Variants in TYW1B observed in about 807,000 individuals in gnomAD.
TYW1B encodes S-adenosyl-L-methionine-dependent tRNA 4-demethylwyosine synthase TYW1B.
A neutral mutation model predicts 86.9 loss-of-function variants in TYW1B; 73 were observed. The observed-to-expected ratio is 0.84, with a 90% CI of 0.70 to 1.02. The LOEUF is 1.02. Ranked by LOEUF, TYW1B falls within the 50% of genes least tolerant of loss-of-function variation. TYW1B has a pLI of 0.00. For missense variants in TYW1B, 637 were observed against 827.4 expected (o/e 0.77, Z 2.82); for synonymous variants, 248 against 292.8 (o/e 0.85, Z 1.56).
At chr7:72,798,476 G>A (rs1350181775) in intron 6 of TYW1B, among the ~76,000 whole-genome samples, 4 of 151,982 alleles carry the variant, frequency 2.6e-5, no homozygotes, top group African/African-American at 9.7e-5. Flanking sequence ...ATCCACCATA[G>A]TATTATTCAG....
At chr7:72,772,912 T>G (rs1787892196) in intron 7 of TYW1B, among the ~76,000 whole-genome samples, 1 of 152,216 alleles carries the variant, frequency 6.6e-6, no homozygotes, top group Non-Finnish European at 1.5e-5. Flanking sequence ...GGCTTTGTCT[T>G]GTAACCTCTT....
At chr7:72,789,930 T>C (rs1166420043) in intron 6 of TYW1B, among the ~76,000 whole-genome samples, 3 of 146,912 alleles carry the variant, frequency 2.0e-5, no homozygotes, top group African/African-American at 2.5e-5. Context: ...TCTCAAGTGA[T>C]AGGATTATCT....
At chr7:72,741,282 T>C (rs1359771938) in intron 8 of TYW1B, among the ~76,000 whole-genome samples, 20 of 151,724 alleles carry the variant, frequency 1.3e-4, no homozygotes, top group Admixed American at 2.6e-4. Flanking sequence ...GAGATACAAA[T>C]GATAAGAAGG....
At chr7:72,805,025 G>A (rs1311880574) in intron 5 of TYW1B, among the ~76,000 whole-genome samples, 2 of 151,844 alleles carry the variant, frequency 1.3e-5, no homozygotes, top group African/African-American at 4.8e-5. Context: ...TTGGTTCTGC[G>A]ACCTTGGGAA....
chr7:72,733,821 C>A (rs1265124397), intron 8 of TYW1B, among the ~76,000 whole-genome samples: 1 of 152,156 alleles, frequency 6.6e-6, no homozygotes, highest in Non-Finnish European at 1.5e-5. Flanking sequence ...AGATTTGATG[C>A]AATCCCTATC....
Position 72,658,720 on chromosome 7 carries a change from T to C in TYW1B, c.1507-29723A>G, listed in dbSNP as rs185489833. Reference sequence around the variant, plus strand: ...CTACATATATAAACATAAGACTATTTTGTATTGTTTTGTTTTTTGAGACTG... The same window carrying C: ...CTACATATATAAACATAAGACTATTCTGTATTGTTTTGTTTTTTGAGACTG... On this transcript the variant is annotated intron_variant, in intron 11 of 13. Transcript: ENST00000620995. Among the ~76,000 whole-genome samples, 54 of 152,300 alleles carry C rather than the reference T, an allele frequency of 3.5e-4. No individual in the cohort carries two copies. In the East Asian group the frequency reaches 9.8e-3, roughly 28 times the overall value.
intron 11 of TYW1B, among the ~76,000 whole-genome samples, chr7:72,653,687 C>T (rs1813120963): frequency 6.6e-6 from 1 of 152,104 alleles, no homozygotes. Context: ...ATTCAAAATT[C>T]ATTCAACATC....
In TYW1B at chr7:72,706,743, G is replaced by T. The variant is rs181983357; in HGVS notation, c.1370+6878C>A. Among the ~76,000 whole-genome samples, 331 of 152,218 alleles carry T rather than the reference G, an allele frequency of 2.2e-3. 1 individual carries two copies. The highest frequency in any genetic ancestry group is 7.8e-3 in the African/African-American group (323 of 41,520). On this transcript the variant is annotated intron_variant, in intron 10 of 13. Coordinates refer to ENST00000620995, the MANE Select transcript of TYW1B (RefSeq NM_001145440.3). ...AGTGTGGGAAACTGAAAACCACAGG[G>T]CTTCCTGGAAAAAATAACTACTCCT...
intron 2 of TYW1B, among the ~76,000 whole-genome samples, chr7:72,815,713 G>T (rs1369284872): frequency 2.0e-5 from 3 of 152,014 alleles, no homozygotes; most frequent in Non-Finnish European, 4.4e-5. Context: ...ATCTAATTTG[G>T]CTTTGGATGA....
chr7:72,651,678 T>C (rs1233288598), intron 11 of TYW1B, among the ~76,000 whole-genome samples: 1,914 of 144,536 alleles, frequency 0.013, no homozygotes, highest in African/African-American at 0.049. Context: ...TATATGTATA[T>C]ACATACCTTA....
chr7:72,613,195 T>G (rs1554436260), intron 13 of TYW1B, among the ~76,000 whole-genome samples: 1 of 152,062 alleles, frequency 6.6e-6, no homozygotes, highest in African/African-American at 2.4e-5. Context: ...AGTATCTGCC[T>G]AGATTAGGGG....
chr7:72,588,502 G>C (rs1554430851), intron 13 of TYW1B, among the ~76,000 whole-genome samples: 2 of 152,160 alleles, frequency 1.3e-5, no homozygotes, highest in African/African-American at 4.8e-5. Flanking sequence ...GGGTGTGGGG[G>C]TGGTGATAGC....
In TYW1B at chr7:72,828,059, C is replaced by T; in HGVS notation, c.4+13G>A. 1 of 1,613,962 alleles carries T rather than the reference C, an allele frequency of 6.2e-7. No homozygotes were observed. Among genetic ancestry groups the T allele is most frequent in the Non-Finnish European group, 8.5e-7 (1 of 1,179,942 alleles). On this transcript the variant is annotated intron_variant, in intron 1 of 13. Transcript: ENST00000620995. ...CTGCCGCCCCAGGGTCCTTGCCCGC[C>T]GAGTGCCCTTACCCATCCTCCTCAG...
intron 13 of TYW1B, among the ~76,000 whole-genome samples, chr7:72,593,118 C>CATGA (rs1554431818): frequency 2.6e-5 from 4 of 152,030 alleles, no homozygotes; most frequent in African/African-American, 9.6e-5. Flanking sequence ...GCCTGACCAA[C>CATGA]CCCATCTCTA....
At chr7:72,722,241 T>C (rs1554457681) in intron 9 of TYW1B, among the ~76,000 whole-genome samples, 1 of 152,196 alleles carries the variant, frequency 6.6e-6, no homozygotes, top group East Asian at 1.9e-4. Context: ...CTGTTGGAGA[T>C]CTTTTATTTC....
chr7:72,696,424 T>C (rs1183487261), intron 10 of TYW1B, among the ~76,000 whole-genome samples: 1 of 152,236 alleles, frequency 6.6e-6, no homozygotes, highest in Non-Finnish European at 1.5e-5. Flanking sequence ...CATTTCCACC[T>C]AGAAGTTTTA....
chr7:72,624,428 G>T (rs1168537659), intron 12 of TYW1B, among the ~76,000 whole-genome samples: 2 of 152,228 alleles, frequency 1.3e-5, no homozygotes, highest in African/African-American at 4.8e-5. Context: ...CATTGAAAAT[G>T]TAATCAAGGA....
intron 3 of TYW1B, among the ~76,000 whole-genome samples, chr7:72,812,985 C>T (rs782341249): frequency 5.9e-5 from 9 of 152,000 alleles, no homozygotes; most frequent in African/African-American, 9.7e-5. Context: ...AGAGCCACCC[C>T]ACCTGGCCTC....
At chr7:72,746,050 T>TA (rs1787389158) in intron 7 of TYW1B, among the ~76,000 whole-genome samples, 1 of 151,914 alleles carries the variant, frequency 6.6e-6, no homozygotes. Context: ...TTTTTGTAGA[T>TA]ACAGGGTTTT....
Sources: allele counts gnomAD v4.1 joint callset (sites outside exome capture counted in the v4.1 genomes callset), GRCh38; gene constraint gnomAD v4.1.1; transcripts MANE v1.5; gene names NCBI Gene and HGNC (gene_info 2026-07-23, HGNC 2026-07-21).